CACHD1: variants seen among roughly 807,000 people sequenced by gnomAD.
The protein encoded by CACHD1 is cache domain containing 1.
A neutral mutation model predicts 138.7 loss-of-function variants in CACHD1; 71 were observed. The ratio of observed to expected loss-of-function variants is 0.51; its 90% CI spans 0.42 to 0.62. CACHD1 has a LOEUF of 0.62. CACHD1 is among the 20% of genes least tolerant of loss of function. The pLI is 0.00. For synonymous variants in CACHD1, 578 were observed against 591.5 expected (o/e 0.98, Z 0.33); for missense variants, 1,389 against 1,625.3 (o/e 0.85, Z 2.50).
At chr1:64,690,316 T>C (rs1260884938) in intron 26 of CACHD1, among the ~76,000 whole-genome samples, 1 of 152,192 alleles carries the variant, frequency 6.6e-6, no homozygotes, top group African/African-American at 2.4e-5. Flanking sequence ...CTTGGCTGCA[T>C]GCAAGAACAT....
intron 1 of CACHD1, among the ~76,000 whole-genome samples, chr1:64,477,186 A>G (rs1367919774): frequency 1.3e-5 from 2 of 152,200 alleles, no homozygotes; most frequent in African/African-American, 4.8e-5. Flanking sequence ...CAGTCAATAA[A>G]CAGAAATGTA....
Position 64,580,875 on chromosome 1 carries a change from G to C in CACHD1, c.262-1281G>C, listed in dbSNP as rs375538459. Reference sequence around the variant, plus strand: ...ACCAACAGTTGTCTAAATTAAACTGGGTTTATATGTTTTAATTCAATGACC... The same window carrying C: ...ACCAACAGTTGTCTAAATTAAACTGCGTTTATATGTTTTAATTCAATGACC... On this transcript the variant is annotated intron_variant, in intron 2 of 26. Transcript: ENST00000651257. Among the ~76,000 whole-genome samples the C allele has an allele frequency of 2.6e-5, 4 of 152,120 alleles. No homozygotes were observed. The East Asian group carries it at 5.8e-4, about 22-fold the overall frequency.
intron 4 of CACHD1, among the ~76,000 whole-genome samples, chr1:64,607,330 G>A (rs1176789983): frequency 6.6e-6 from 1 of 152,162 alleles, no homozygotes; most frequent in East Asian, 1.9e-4. Context: ...TTGTCACCTA[G>A]TCCCTGTATG....
intron 13 of CACHD1, 130 bp from the exon 14 acceptor site, chr1:64,663,565 A>G (rs1211406698): frequency 4.2e-6 from 5 of 1,177,134 alleles, no homozygotes; most frequent in Non-Finnish European, 4.7e-6. Flanking sequence ...AAAAAAAAAA[A>G]GAAAAAAAGG....
chr1:64,604,933 G>C (rs968324165), intron 4 of CACHD1, among the ~76,000 whole-genome samples: 9 of 149,858 alleles, frequency 6.0e-5, no homozygotes, highest in Non-Finnish European at 4.4e-5. Context: ...TTACAGGCAT[G>C]AGCCACCTCG....
chr1:64,681,194 G>T (rs1650161053), intron 24 of CACHD1, 64 bp from the exon 25 acceptor site: 2 of 1,214,868 alleles, frequency 1.6e-6, no homozygotes, highest in South Asian at 1.2e-5. Flanking sequence ...GCTCAGCAGG[G>T]TATTAAAGCG....
In CACHD1 at chr1:64,641,819, G is replaced by A. The variant is rs1648723760; in HGVS notation, c.1007-1G>A. 1.3e-6 allele frequency: 2 copies of A among 1,493,912 alleles called. No homozygotes were observed. Among genetic ancestry groups the A allele is most frequent in the Non-Finnish European group, 1.8e-6 (2 of 1,119,080 alleles). 92.5% of individuals were successfully genotyped at this position (1,493,912 alleles called of 1,614,324 possible). On this transcript the variant is annotated splice_acceptor_variant, in intron 7 of 26. Coordinates refer to ENST00000651257, the MANE Select transcript of CACHD1 (RefSeq NM_020925.4). LOFTEE classifies it high-confidence loss of function. ...CATTCAATTGATGTGTTTTTGTTTA[G>A]ATACAGACATGGTCATCATTTACCT...
intron 1 of CACHD1, among the ~76,000 whole-genome samples, chr1:64,487,548 C>T (rs1026399252): frequency 1.3e-5 from 2 of 152,260 alleles, no homozygotes; most frequent in African/African-American, 4.8e-5. Context: ...ACAATTATCA[C>T]TGTTACCATT....
At chr1:64,689,006 TCTTGCC>T (rs1197636952) in intron 26 of CACHD1, among the ~76,000 whole-genome samples, 8 of 152,146 alleles carry the variant, frequency 5.3e-5, no homozygotes, top group Non-Finnish European at 1.2e-4. Flanking sequence ...TGTTTCCCCT[TCTTGCC>T]CTAAGGTAGG....
chr1:64,647,658 G>A (rs1047458777), intron 8 of CACHD1, 143 bp from the exon 9 acceptor site: 3 of 636,510 alleles, frequency 4.7e-6, no homozygotes, highest in Non-Finnish European at 5.5e-6. Flanking sequence ...TGGTATTTGT[G>A]TCCAGAGTCT....
chr1:64,521,746 A>G (rs1344547546), intron 1 of CACHD1, among the ~76,000 whole-genome samples: 4 of 152,212 alleles, frequency 2.6e-5, no homozygotes, highest in Non-Finnish European at 5.9e-5. Flanking sequence ...TTGCTGGTTC[A>G]TATGGTAACA....
intron 2 of CACHD1, among the ~76,000 whole-genome samples, chr1:64,562,550 C>T (rs4915985): frequency 0.81 from 121,582 of 149,386 alleles, 51,488 homozygotes; most frequent in South Asian, 0.94. Flanking sequence ...GCTGGGATTA[C>T]AGGCATGTGC....
At chr1:64,474,547 T>G (rs1382201297) in intron 1 of CACHD1, among the ~76,000 whole-genome samples, 1 of 152,244 alleles carries the variant, frequency 6.6e-6, no homozygotes, top group African/African-American at 2.4e-5. Context: ...TGTTCTCAAA[T>G]GGAGAAATGA....
chr1:64,561,737 A>T (rs1189515120), intron 2 of CACHD1, among the ~76,000 whole-genome samples: 1 of 151,296 alleles, frequency 6.6e-6, no homozygotes, highest in African/African-American at 2.4e-5. Flanking sequence ...ACATGCCTGT[A>T]GTCCCAGCTA....
intron 13 of CACHD1, 145 bp from the exon 14 acceptor site, chr1:64,663,550 G>GAAAAA: frequency 1.3e-6 from 1 of 796,730 alleles, no homozygotes; most frequent in Admixed American, 3.0e-5. Context: ...GACTCCATCT[G>GAAAAA]AAAAAAAAAA....
Position 64,595,489 on chromosome 1 carries a change from A to G in CACHD1, c.411-7317A>G, listed in dbSNP as rs1428513497. Among the ~76,000 whole-genome samples the G allele has an allele frequency of 2.0e-5, 3 of 152,168 alleles. No individual in the cohort carries two copies. In the East Asian group the frequency reaches 5.8e-4, roughly 29 times the overall value. Reference sequence around the variant, plus strand: ...TTAGAGGTCAAGTGGCAGGATGGACAGGGGTGCTATGGAACATCACAGAGG... The same window carrying G: ...TTAGAGGTCAAGTGGCAGGATGGACGGGGGTGCTATGGAACATCACAGAGG... On this transcript the variant is annotated intron_variant, in intron 3 of 26. Transcript: ENST00000651257.
At chr1:64,686,535 C>T (rs1001742719) in intron 26 of CACHD1, among the ~76,000 whole-genome samples, 1 of 152,164 alleles carries the variant, frequency 6.6e-6, no homozygotes, top group African/African-American at 2.4e-5. Context: ...TGATTTTCAG[C>T]AGTGTTACCC....
intron 4 of CACHD1, among the ~76,000 whole-genome samples, chr1:64,604,442 A>G (rs372597407): frequency 2.9e-4 from 44 of 152,324 alleles, no homozygotes; most frequent in African/African-American, 1.0e-3. Flanking sequence ...CAACTGGCAC[A>G]GGGTGCAAAG....
At chr1:64,616,318 C>T (rs1262855508) in intron 4 of CACHD1, among the ~76,000 whole-genome samples, 18 of 152,190 alleles carry the variant, frequency 1.2e-4, no homozygotes, top group Middle Eastern at 3.4e-3. Flanking sequence ...TGGTGGTTAC[C>T]GTGCCAGACA....
Sources: gnomAD v4.1 joint callset for allele counts (sites outside exome capture counted in the v4.1 genomes callset) on GRCh38, gnomAD v4.1.1 for gene constraint, MANE v1.5 for transcripts, NCBI Gene and HGNC (gene_info 2026-07-23, HGNC 2026-07-21) for gene names.